Variants in BDP1 observed in about 807,000 individuals in gnomAD.
The protein encoded by BDP1 is transcription factor TFIIIB component B'' homolog.
BDP1 carries 169 observed loss-of-function variants against 266.6 expected under a neutral mutation model. That is an observed-to-expected ratio of 0.63 (90% CI 0.56 to 0.72). The LOEUF is 0.72. Among genes scored for constraint, BDP1 ranks in the 30% least tolerant of loss-of-function variants. BDP1 has a pLI of 0.00. For synonymous variants in BDP1, 1,090 were observed against 1,022.4 expected (o/e 1.07, Z -1.26); for missense variants, 3,015 against 3,053.8 (o/e 0.99, Z 0.30).
intron 4 of BDP1, 34 bp from the exon 5 acceptor site, chr5:71,466,062 C>G: frequency 6.2e-7 from 1 of 1,604,154 alleles, no homozygotes; most frequent in South Asian, 1.1e-5. Flanking sequence ...ACTTTTCATG[C>G]CTTTGTGAAT....
intron 34 of BDP1, among the ~76,000 whole-genome samples, chr5:71,552,507 C>T (rs1278769411): frequency 6.6e-6 from 1 of 152,250 alleles, no homozygotes; most frequent in Non-Finnish European, 1.5e-5. Context: ...GAGATCACGC[C>T]ACCGCACTCC....
chr5:71,568,926 A>G (rs551796721), downstream of BDP1, among the ~76,000 whole-genome samples: 40 of 152,388 alleles, frequency 2.6e-4, no homozygotes, highest in Admixed American at 1.4e-3. Context: ...CCCTGCCACA[A>G]TAATTCAAGT....
At position 71,491,054 on chromosome 5, in the gene BDP1, A is replaced by C. The variant is rs760761333; in HGVS notation, c.1563A>C (p.Thr521=). The C allele has an allele frequency of 6.2e-7, 1 of 1,614,154 alleles. No homozygotes were observed. The highest frequency in any genetic ancestry group is 8.5e-7 in the Non-Finnish European group (1 of 1,179,990). Residue 521 remains threonine, a synonymous_variant, in exon 11 of 39, where the codon ACA becomes ACC. Transcript: ENST00000358731. ...GTAAGGAGCAGATGCTTTCCTGCAC[A>C]CAAAACATAGATGGCATTGTGGGTT... ...ECSKEQMLSC[T]QNIDGIVGFA... is the part of the protein sequence containing the mutation.
At chr5:71,536,268 C>T (rs943995255) in intron 26 of BDP1, among the ~76,000 whole-genome samples, 5 of 152,124 alleles carry the variant, frequency 3.3e-5, no homozygotes, top group African/African-American at 1.2e-4. Context: ...TTAAGTTACT[C>T]TGGTGACTTT....
rs773480851 is a variant in BDP1 at position 71,541,564 on chromosome 5, C to A, written c.6133C>A (p.Pro2045Thr). 1 of 1,611,944 alleles carries A rather than the reference C, an allele frequency of 6.2e-7. No individual in the cohort carries two copies. Among genetic ancestry groups the A allele is most frequent in the Non-Finnish European group, 8.5e-7 (1 of 1,178,580 alleles). The change falls in exon 29 of 39, where the codon CCT (proline) becomes ACT (threonine). Residue 2045 changes from proline to threonine, a missense_variant. Pro to Thr is a conservative substitution (Grantham distance 38, BLOSUM62 -1). Coordinates refer to ENST00000358731, the MANE Select transcript of BDP1 (RefSeq NM_018429.3). The part of the protein sequence containing the change: ...IVHECQELSS[P>T]VITTSPASFE... ...TCATGAATGTCAGGAACTTTCTTCACCTGTCATTACTACATCTCCTGCATC... is the reference window on the plus strand; with the variant it reads ...TCATGAATGTCAGGAACTTTCTTCAACTGTCATTACTACATCTCCTGCATC...
intron 7 of BDP1, among the ~76,000 whole-genome samples, chr5:71,478,754 T>G (rs1316600573): frequency 6.6e-6 from 1 of 152,152 alleles, no homozygotes; most frequent in East Asian, 1.9e-4. Flanking sequence ...TTTACTGTAT[T>G]AGGGAAATTT....
chr5:71,572,653 C>T (rs1744307129), downstream of BDP1, among the ~76,000 whole-genome samples: 3 of 152,162 alleles, frequency 2.0e-5, no homozygotes, highest in Admixed American at 6.5e-5. Flanking sequence ...AACTGGTGCT[C>T]GGGTTCTCAG....
At chr5:71,571,438 G>A (rs183356874), downstream of BDP1, among the ~76,000 whole-genome samples, 66 of 152,196 alleles carry the variant, frequency 4.3e-4, no homozygotes, top group Admixed American at 1.4e-3. Flanking sequence ...CTGTGCCACC[G>A]CACCTGGCCC....
At chr5:71,461,952 C>G (rs539892564) in intron 3 of BDP1, 26 bp downstream of exon 3, 1 of 712,410 alleles carries the variant, frequency 1.4e-6, no homozygotes, top group Admixed American at 2.3e-5. Flanking sequence ...TTCTGCTTTA[C>G]TATCTCTTTT....
intron 16 of BDP1, 63 bp downstream of exon 16, chr5:71,504,814 G>C: frequency 6.5e-7 from 1 of 1,528,710 alleles, no homozygotes; most frequent in South Asian, 1.2e-5. Flanking sequence ...AACTCAATCA[G>C]TTTTTTAAAG....
intron 38 of BDP1, among the ~76,000 whole-genome samples, chr5:71,563,578 G>T (rs1010757535): frequency 6.6e-6 from 1 of 151,756 alleles, no homozygotes; most frequent in African/African-American, 2.4e-5. Context: ...TGTTTAATTT[G>T]TCAATCTTTT....
intron 21 of BDP1, 121 bp downstream of exon 21, chr5:71,516,392 T>A: frequency 1.4e-6 from 1 of 702,708 alleles, no homozygotes; most frequent in Non-Finnish European, 2.3e-6. Flanking sequence ...GAATACAGTT[T>A]CCAGTTTTGT....
Position 71,496,250 on chromosome 5 carries a change from A to AAAG in BDP1, c.1799+844_1799+845insGAA, listed in dbSNP as rs1226299352. 3.3e-5 allele frequency among the ~76,000 whole-genome samples: 5 copies of AAAG among 151,550 alleles called. No individual in the cohort carries two copies. The East Asian group carries it at 9.7e-4, about 29-fold the overall frequency. ...GAGCGAGACTCCATTTCAAAAAAAA[A>AAAG]AAAAAAAGAAAGCTATTCAGTTCAT... On this transcript the variant is annotated intron_variant, in intron 12 of 38. Coordinates refer to ENST00000358731, the MANE Select transcript of BDP1 (RefSeq NM_018429.3).
chr5:71,462,368 T>C (rs980300887), intron 3 of BDP1, among the ~76,000 whole-genome samples: 2 of 152,228 alleles, frequency 1.3e-5, no homozygotes, highest in African/African-American at 2.4e-5. Context: ...ACATATGTCC[T>C]TTTAAATAGA....
chr5:71,565,146 A>G lies in BDP1; in HGVS notation c.*261A>G, dbSNP rs2112140918. ...CAGACAGAAATAACAACTCTTGTTTACATTTTGACTCTTCCTGTGCTAAGC... is the reference window on the plus strand; with the variant it reads ...CAGACAGAAATAACAACTCTTGTTTGCATTTTGACTCTTCCTGTGCTAAGC... On this transcript the variant is annotated 3_prime_UTR_variant, in exon 39 of 39. Coordinates refer to ENST00000358731, the MANE Select transcript of BDP1 (RefSeq NM_018429.3). The G allele has an allele frequency of 2.7e-6, 1 of 374,174 alleles. No individual in the cohort carries two copies. Among genetic ancestry groups the G allele is most frequent in the Non-Finnish European group, 4.8e-6 (1 of 208,478 alleles). The allele number at this position is 374,174 out of a possible 1,614,324, so 23.2% of individuals were successfully genotyped here.
chr5:71,514,011 C>T (rs114187451), intron 19 of BDP1, among the ~76,000 whole-genome samples: 8,291 of 151,968 alleles, frequency 0.055, 262 homozygotes, highest in East Asian at 0.11. Flanking sequence ...TGAGCCGTGG[C>T]GCCCAGCGAG....
At chr5:71,506,326 A>G (rs1218594606) in intron 16 of BDP1, among the ~76,000 whole-genome samples, 3 of 152,200 alleles carry the variant, frequency 2.0e-5, no homozygotes, top group African/African-American at 7.2e-5. Flanking sequence ...TTGAATCTCC[A>G]GAATCCTCAA....
rs768900393 is a variant in BDP1, at chr5:71,509,616, G to A, written c.2524G>A (p.Glu842Lys). ...ACTAGAGAAGATTCTTGTCTCTGGG[G>A]AAATGGCGGCAGCATTGAGAGAAAC... is the stretch of plus-strand genomic sequence containing the variant. Reference protein sequence around the residue: ...EVLEKILVSGEMAAALRETVR... With the variant: ...EVLEKILVSGKMAAALRETVR... The change falls in exon 17 of 39, where the codon GAA (glutamate) becomes AAA (lysine). Residue 842 changes from glutamate (E) to lysine (K), a missense_variant. Around this residue, in one of 3 missense-constraint regions of BDP1, gnomAD observed 2,383 missense variants for 2,404.9 expected, o/e 0.99. Coordinates refer to ENST00000358731, the MANE Select transcript of BDP1 (RefSeq NM_018429.3). 2 of 1,613,832 alleles carry A rather than the reference G, an allele frequency of 1.2e-6. No homozygotes were observed. Among genetic ancestry groups the A allele is most frequent in the East Asian group, 2.2e-5 (1 of 44,876 alleles).
intron 22 of BDP1, among the ~76,000 whole-genome samples, chr5:71,520,004 A>G (rs1331099558): frequency 6.6e-6 from 1 of 152,158 alleles, no homozygotes; most frequent in East Asian, 1.9e-4. Flanking sequence ...AACAGTAGCC[A>G]TTTTAACGGC....
Sources: gnomAD v4.1 joint callset for allele counts (sites outside exome capture counted in the v4.1 genomes callset) on GRCh38, gnomAD v4.1.1 for gene constraint, gnomAD v4.1.1 regional missense constraint, MANE v1.5 for transcripts, NCBI Gene and HGNC (gene_info 2026-07-23, HGNC 2026-07-21) for gene names.